PTPRR: variants seen among roughly 807,000 people sequenced by gnomAD.
PTPRR encodes the protein protein tyrosine phosphatase receptor type R.
Under a neutral mutation model 77.2 loss-of-function variants are expected in PTPRR, and 38 were observed. The observed-to-expected ratio is 0.49, with a 90% confidence interval of 0.38 to 0.65. The LOEUF is 0.65. Among genes scored for constraint, PTPRR ranks in the 30% least tolerant of loss-of-function variants. The pLI is 0.00. For missense variants in PTPRR, 744 were observed against 799.2 expected (o/e 0.93, Z 0.83); for synonymous variants, 299 against 283.1 (o/e 1.06, Z -0.57).
intron 2 of PTPRR, among the ~76,000 whole-genome samples, chr12:70,840,484 T>C (rs989953832): frequency 6.6e-6 from 1 of 152,176 alleles, no homozygotes; most frequent in Non-Finnish European, 1.5e-5. Context: ...TCCCAGGAAC[T>C]AGGATGTGGA....
chr12:70,815,121 GAGATA>G (rs77631541), intron 2 of PTPRR, among the ~76,000 whole-genome samples: 110,724 of 137,954 alleles, frequency 0.8, 45,492 homozygotes, highest in South Asian at 0.94. Flanking sequence ...ATTCTAAGGA[GAGATA>G]AGATATCAAA....
chr12:70,699,511 A>G (rs1023409700), intron 7 of PTPRR, among the ~76,000 whole-genome samples: 3 of 152,140 alleles, frequency 2.0e-5, no homozygotes, highest in Non-Finnish European at 2.9e-5. Context: ...CAGTGGCACA[A>G]TCATAGCTCA....
chr12:70,823,068 C>T (rs939258586), intron 2 of PTPRR, among the ~76,000 whole-genome samples: 1 of 150,932 alleles, frequency 6.6e-6, no homozygotes, highest in Non-Finnish European at 1.5e-5. Flanking sequence ...ACAAAGTTCT[C>T]TCTCTCTCTT....
intron 2 of PTPRR, among the ~76,000 whole-genome samples, chr12:70,807,760 A>G (rs1432760341): frequency 6.6e-6 from 1 of 152,142 alleles, no homozygotes; most frequent in Non-Finnish European, 1.5e-5. Context: ...TACTCTTGTG[A>G]TTTCCTATGC....
intron 13 of PTPRR, among the ~76,000 whole-genome samples, chr12:70,642,271 C>A (rs1187748973): frequency 1.3e-5 from 2 of 152,122 alleles, no homozygotes; most frequent in East Asian, 1.9e-4. Context: ...AGCTTTCTCC[C>A]ATCCTGTAAT....
intron 2 of PTPRR, among the ~76,000 whole-genome samples, chr12:70,788,509 T>C (rs74101598): frequency 0.014 from 2,137 of 152,376 alleles, 54 homozygotes; most frequent in African/African-American, 0.049. Flanking sequence ...TTAAGAACTT[T>C]TGAGTTCTGT....
chr12:70,824,399 A>T (rs10784869), intron 2 of PTPRR, among the ~76,000 whole-genome samples: 32,802 of 151,936 alleles, frequency 0.22, 4,067 homozygotes, highest in African/African-American at 0.34. Context: ...ATTTTTTTTT[A>T]AAATGTAAGA....
intron 10 of PTPRR, among the ~76,000 whole-genome samples, chr12:70,666,116 G>A (rs1333229011): frequency 6.6e-6 from 1 of 152,136 alleles, no homozygotes; most frequent in Non-Finnish European, 1.5e-5. Flanking sequence ...AGGTAGGGTG[G>A]GTAGCAGGTA....
intron 2 of PTPRR, among the ~76,000 whole-genome samples, chr12:70,809,931 G>T (rs1891780212): frequency 6.6e-6 from 1 of 152,126 alleles, no homozygotes; most frequent in Admixed American, 6.6e-5. Flanking sequence ...TTGGACAAAG[G>T]TGAGCTCAGA....
intron 6 of PTPRR, among the ~76,000 whole-genome samples, chr12:70,709,218 A>C (rs773847217): frequency 2.8e-4 from 43 of 152,162 alleles, no homozygotes; most frequent in Non-Finnish European, 5.3e-4. Context: ...ACTAAAGACA[A>C]AATCACATGA....
chr12:70,760,909 A>AT (rs1207747072), intron 4 of PTPRR, among the ~76,000 whole-genome samples: 2 of 152,194 alleles, frequency 1.3e-5, no homozygotes, highest in Non-Finnish European at 2.9e-5. Context: ...GGTAGAGGAA[A>AT]TTTTTTAAAA....
chr12:70,708,243 C>A (rs1271668250), intron 6 of PTPRR, among the ~76,000 whole-genome samples: 2 of 152,112 alleles, frequency 1.3e-5, no homozygotes, highest in Non-Finnish European at 2.9e-5. Flanking sequence ...GAGAGCAACA[C>A]TTTTGGCATC....
chr12:70,805,659 G>T (rs1368884084), intron 2 of PTPRR, among the ~76,000 whole-genome samples: 15 of 152,332 alleles, frequency 9.8e-5, no homozygotes, highest in Non-Finnish European at 5.9e-5. Flanking sequence ...CAGGGAGGTT[G>T]TAAAATATGA....
rs183315250 is a variant in PTPRR, at chr12:70,865,421, C to A, written c.357+27258G>T. Among the ~76,000 whole-genome samples the A allele has an allele frequency of 8.5e-5, 13 of 152,186 alleles. No homozygotes were observed. In the East Asian group the frequency reaches 2.5e-3, roughly 29 times the overall value. On this transcript the variant is annotated intron_variant, in intron 2 of 13. Coordinates refer to ENST00000283228, the MANE Select transcript of PTPRR (RefSeq NM_002849.4). ...ATTGGGAAGAGGAAAGGATGGTCAC[C>A]TTCCAAATGACAGAGGACAGGTGGA...
At position 70,746,145 on chromosome 12, in the gene PTPRR, A is replaced by T. The variant is rs1592727224; in HGVS notation, c.739-59T>A. Reference sequence around the variant, plus strand: ...TTTTCTCACACTAAACAAGAGTATGATCTCCTCCACCCCACCCTGGCCGAC... The same window carrying T: ...TTTTCTCACACTAAACAAGAGTATGTTCTCCTCCACCCCACCCTGGCCGAC... On this transcript the variant is annotated intron_variant, in intron 5 of 13. Coordinates refer to ENST00000283228, the MANE Select transcript of PTPRR (RefSeq NM_002849.4). 1.1e-5 allele frequency: 16 copies of T among 1,502,752 alleles called. No individual in the cohort carries two copies. In the East Asian group the frequency reaches 3.4e-4, roughly 32 times the overall value. 93.1% of individuals were successfully genotyped at this position (1,502,752 alleles called of 1,614,324 possible).
In PTPRR at chr12:70,850,097, C is replaced by T. The variant is rs185595668; in HGVS notation, c.357+42582G>A. Among the ~76,000 whole-genome samples the T allele has an allele frequency of 7.4e-3, 1,126 of 152,232 alleles. 8 individuals carry two copies. Among genetic ancestry groups the T allele is most frequent in the Non-Finnish European group, 1.0e-2 (677 of 68,018 alleles). ...AATTTTCTGGCTGGGCATGGTGGCT[C>T]ACCTCTGTAATCCCAGCACTTTGGG... is the stretch of plus-strand genomic sequence containing the variant. On this transcript the variant is annotated intron_variant, in intron 2 of 13. Coordinates refer to ENST00000283228, the MANE Select transcript of PTPRR (RefSeq NM_002849.4).
chr12:70,690,211 T>A (rs1041757557), intron 8 of PTPRR, among the ~76,000 whole-genome samples: 3 of 152,180 alleles, frequency 2.0e-5, no homozygotes, highest in Non-Finnish European at 4.4e-5. Context: ...GCAGGTATAC[T>A]TGAGAGGGAA....
chr12:70,891,698 G>C (rs1324878502), intron 2 of PTPRR, among the ~76,000 whole-genome samples: 1 of 151,968 alleles, frequency 6.6e-6, no homozygotes, highest in African/African-American at 2.4e-5. Flanking sequence ...GTGTATGCTA[G>C]CTGAAAACAT....
chr12:70,803,283 G>T (rs1240185572), intron 2 of PTPRR, among the ~76,000 whole-genome samples: 1 of 152,118 alleles, frequency 6.6e-6, no homozygotes, highest in Non-Finnish European at 1.5e-5. Flanking sequence ...CTCCTGGCCA[G>T]TAGAGTCCAG....
Sources: gnomAD v4.1 joint callset for allele counts (sites outside exome capture counted in the v4.1 genomes callset) on GRCh38, gnomAD v4.1.1 for gene constraint, MANE v1.5 for transcripts, NCBI Gene and HGNC (gene_info 2026-07-23, HGNC 2026-07-21) for gene names.